The following ZBTB38 variants were observed in gnomAD, a reference collection of about 807,000 sequenced individuals.
The protein encoded by ZBTB38 is zinc finger and BTB domain containing 38.
In ZBTB38, 20 loss-of-function variants were observed where a neutral mutation model predicts 76.8. The observed-to-expected ratio is 0.26, with a 90% CI of 0.18 to 0.38. The LOEUF (loss-of-function observed/expected upper bound fraction) is 0.38, where lower values mean the gene tolerates loss of function less well. ZBTB38 is among the 10% of genes least tolerant of loss of function. The probability of loss-of-function intolerance (pLI) is 1.00; values close to 1 mark genes in which losing one functional copy is unlikely to be tolerated. For missense variants in ZBTB38, 1,082 were observed against 1,482.3 expected (o/e 0.73, Z 4.43); for synonymous variants, 504 against 544.2 (o/e 0.93, Z 1.03).
At chr3:141,350,824 T>C (rs759637424) in intron 1 of ZBTB38, among the ~76,000 whole-genome samples, 8 of 152,354 alleles carry the variant, frequency 5.3e-5, no homozygotes, top group Non-Finnish European at 8.8e-5. Flanking sequence ...ATTTTCATTC[T>C]GTTGGTAAGA....
chr3:141,361,409 G>T (rs1174084135), intron 1 of ZBTB38, among the ~76,000 whole-genome samples: 2 of 152,224 alleles, frequency 1.3e-5, no homozygotes, highest in African/African-American at 4.8e-5. Flanking sequence ...CTTCTGGGCT[G>T]TGTGATGTTG....
chr3:141,412,350 T>G (rs1335715909), intron 5 of ZBTB38, among the ~76,000 whole-genome samples: 1 of 152,190 alleles, frequency 6.6e-6, no homozygotes, highest in African/African-American at 2.4e-5. Flanking sequence ...TCAAAGCCGG[T>G]GGCCATTTTC....
At position 141,423,954 on chromosome 3, in the gene ZBTB38, G is replaced by C. The variant is rs137937481; in HGVS notation, c.1-18435G>C. ...ATTTGTCAAGTCTGTAAACAGATCG[G>C]AGAGGTAATGAGGCCCAGTGCAGGA... is the stretch of plus-strand genomic sequence containing the variant. On this transcript the variant is annotated intron_variant, in intron 5 of 5. Transcript: ENST00000321464. Among the ~76,000 whole-genome samples, 246 of 152,320 alleles carry C rather than the reference G, an allele frequency of 1.6e-3. 1 individual carries two copies. Among genetic ancestry groups the C allele is most frequent in the African/African-American group, 5.7e-3 (237 of 41,570 alleles).
At chr3:141,387,272 A>C (rs137990413) in intron 4 of ZBTB38, 87 of 152,162 alleles carry the variant, frequency 5.7e-4, no homozygotes, top group African/African-American at 2.1e-3. Context: ...TAACAAAACC[A>C]AAACCCCCCA....
upstream of ZBTB38, chr3:141,367,330 C>A (rs575544865): frequency 6.6e-6 from 1 of 152,490 alleles, no homozygotes; most frequent in Non-Finnish European, 1.5e-5. Context: ...GTCCATCCGA[C>A]CTCCCTAGTT....
intron 1 of ZBTB38, among the ~76,000 whole-genome samples, chr3:141,357,898 T>C (rs935086740): frequency 6.6e-6 from 1 of 152,172 alleles, no homozygotes; most frequent in African/African-American, 2.4e-5. Context: ...TTTATATGCA[T>C]TGTAGAGAAA....
In ZBTB38 at chr3:141,442,439, C is replaced by T; in HGVS notation, c.51C>T (p.Asp17=). The T allele has an allele frequency of 3.1e-6, 5 of 1,614,178 alleles. No homozygotes were observed. The highest frequency in any genetic ancestry group is 4.2e-6 in the Non-Finnish European group (5 of 1,180,034). Residue 17 remains aspartate, a synonymous_variant, in exon 6 of 6, where the codon GAC becomes GAT. Coordinates refer to ENST00000321464, the MANE Select transcript of ZBTB38 (RefSeq NM_001376113.1). This position sits in a 1 kb window ranked among gnomAD's most constrained non-coding sequence, Gnocchi z 6.4. ...SRDLKDDFHS[D]TVLSILNEQR... is the part of the protein sequence containing the mutation. ...ACCTCAAGGACGACTTTCACAGTGA[C>T]ACGGTACTCTCCATCTTAAATGAGC...
chr3:141,345,954 A>C (rs1303535684), intron 1 of ZBTB38, among the ~76,000 whole-genome samples: 1 of 152,162 alleles, frequency 6.6e-6, no homozygotes, highest in African/African-American at 2.4e-5. Context: ...TATGAGTGGA[A>C]GGCAATGTCT....
chr3:141,357,302 T>C (rs1253509991), intron 1 of ZBTB38, among the ~76,000 whole-genome samples: 1 of 152,222 alleles, frequency 6.6e-6, no homozygotes, highest in Non-Finnish European at 1.5e-5. Flanking sequence ...TTTATTATTC[T>C]CCTGAAAATA....
chr3:141,413,622 G>A lies in ZBTB38; in HGVS notation c.-1+9591G>A, dbSNP rs771870085. On this transcript the variant is annotated intron_variant, in intron 5 of 5. Transcript: ENST00000321464. The surrounding 1 kb of genome is among the most constrained non-coding windows in gnomAD (Gnocchi z 4.1). Reference sequence around the variant, plus strand: ...GAGCATGATGTCAGCTCAGGATACCGGAACCGATAAAAACTCAGTGAGTGT... The same window carrying A: ...GAGCATGATGTCAGCTCAGGATACCAGAACCGATAAAAACTCAGTGAGTGT... Among the ~76,000 whole-genome samples the A allele has an allele frequency of 1.3e-5, 2 of 152,098 alleles. No individual in the cohort carries two copies. Among genetic ancestry groups the A allele is most frequent in the Non-Finnish European group, 2.9e-5 (2 of 68,016 alleles).
chr3:141,421,697 C>T (rs2075408387), intron 5 of ZBTB38, among the ~76,000 whole-genome samples: 1 of 152,206 alleles, frequency 6.6e-6, no homozygotes, highest in Non-Finnish European at 1.5e-5. Context: ...CTCAGCCCCT[C>T]ACCCCACTCC....
chr3:141,378,546 T>C (rs1422434213), intron 2 of ZBTB38, among the ~76,000 whole-genome samples: 2 of 152,210 alleles, frequency 1.3e-5, no homozygotes, highest in East Asian at 3.8e-4. Flanking sequence ...TCTTATGCTA[T>C]TTCACAAAAA....
Position 141,445,521 on chromosome 3 carries a change from C to T in ZBTB38, c.3133C>T (p.Arg1045Trp), listed in dbSNP as rs748782969. ...EKPYQCKTCG[R>W]CFSVQGNLQK... ...GCCATACCAGTGCAAGACCTGCGGA[C>T]GGTGCTTTTCGGTGCAAGGAAACTT... is the stretch of plus-strand genomic sequence containing the variant. Residue 1045 changes from arginine to tryptophan, a missense_variant, in exon 6 of 6, where the codon CGG (arginine) becomes TGG (tryptophan). Coordinates refer to ENST00000321464, the MANE Select transcript of ZBTB38 (RefSeq NM_001376113.1). This position sits in a 1 kb window ranked among gnomAD's most constrained non-coding sequence, Gnocchi z 6.5. 7.4e-6 allele frequency: 12 copies of T among 1,614,062 alleles called. No homozygotes were observed. The highest frequency in any genetic ancestry group is 8.5e-6 in the Non-Finnish European group (10 of 1,180,038).
chr3:141,344,018 G>A (rs992103117), intron 1 of ZBTB38, among the ~76,000 whole-genome samples: 1 of 152,154 alleles, frequency 6.6e-6, no homozygotes, highest in African/African-American at 2.4e-5. Context: ...GCACAAAATC[G>A]ATTCCATGTC....
intron 1 of ZBTB38, among the ~76,000 whole-genome samples, chr3:141,325,636 G>A (rs560775661): frequency 6.6e-6 from 1 of 152,282 alleles, no homozygotes; most frequent in South Asian, 2.1e-4. Context: ...CATCTCCAAG[G>A]CAAATTCAGA....
chr3:141,390,925 C>T lies in ZBTB38; in HGVS notation c.-106+3988C>T, dbSNP rs187874546. Among the ~76,000 whole-genome samples the T allele has an allele frequency of 6.0e-4, 92 of 152,224 alleles. 1 individual carries two copies. Among genetic ancestry groups the T allele is most frequent in the African/African-American group, 1.7e-3 (69 of 41,542 alleles). On this transcript the variant is annotated intron_variant, in intron 4 of 5. Coordinates refer to ENST00000321464, the MANE Select transcript of ZBTB38 (RefSeq NM_001376113.1). ...ACCCCAACACTTTGGGAAGCCAAGA[C>T]GGGAGGATTGCTTGAGACCAGGAGT...
At chr3:141,433,251 A>T (rs1472195312) in intron 5 of ZBTB38, among the ~76,000 whole-genome samples, 1 of 151,908 alleles carries the variant, frequency 6.6e-6, no homozygotes, top group Non-Finnish European at 1.5e-5. Context: ...TATTGAGTAA[A>T]ATAATTTTTA....
intron 5 of ZBTB38, among the ~76,000 whole-genome samples, chr3:141,420,731 A>T (rs2075166622): frequency 6.6e-6 from 1 of 152,226 alleles, no homozygotes; most frequent in Non-Finnish European, 1.5e-5. Flanking sequence ...GAGCTAGAAT[A>T]CAGTCATGTC....
intron 5 of ZBTB38, among the ~76,000 whole-genome samples, chr3:141,423,478 C>A (rs1364474735): frequency 6.6e-6 from 1 of 152,094 alleles, no homozygotes; most frequent in East Asian, 1.9e-4. Context: ...TCTAGAGATG[C>A]TAATTAACTT....
Sources: gnomAD v4.1 joint callset for allele counts (sites outside exome capture counted in the v4.1 genomes callset) on GRCh38, gnomAD v4.1.1 for gene constraint, Gnocchi (gnomAD v3.1) non-coding constraint, MANE v1.5 for transcripts, NCBI Gene and HGNC (gene_info 2026-07-23, HGNC 2026-07-21) for gene names.